Variants in KIAA0825 observed in about 807,000 individuals in gnomAD.
KIAA0825 encodes uncharacterized protein KIAA0825.
KIAA0825 carries 119 observed loss-of-function variants against 147.6 expected under a neutral mutation model. The observed-to-expected ratio is 0.81, with a 90% CI of 0.69 to 0.94. The LOEUF (loss-of-function observed/expected upper bound fraction) is 0.94. KIAA0825 is among the 40% of genes least tolerant of loss of function. The probability of loss-of-function intolerance (pLI) is 0.00; values close to 1 mark genes in which losing one functional copy is unlikely to be tolerated. For synonymous variants in KIAA0825, 470 were observed against 518.1 expected, an observed-to-expected ratio of 0.91 and a Z score of 1.26; for missense variants, 1,381 against 1,472.7, an observed-to-expected ratio of 0.94 and a Z score of 1.02.
chr5:94,512,020 AT>A (rs1440875048), intron 5 of KIAA0825, among the ~76,000 whole-genome samples: 1 of 152,148 alleles, frequency 6.6e-6, no homozygotes, highest in Non-Finnish European at 1.5e-5. Flanking sequence ...AAAATAAAAA[AT>A]ATTTGACTTT....
chr5:94,214,135 C>T lies in KIAA0825; in HGVS notation c.3711-60011G>A, dbSNP rs1005774518. Among the ~76,000 whole-genome samples, 5 of 152,098 alleles carry T rather than the reference C, an allele frequency of 3.3e-5. No homozygotes were observed. In the South Asian group the frequency reaches 8.3e-4, roughly 25 times the overall value. ...CCTCCCAAAATGCTAGGATTACAGG[C>T]ATGAACCACTGCACCCGGCCCTGGA... On this transcript the variant is annotated intron_variant, in intron 20 of 20. Transcript: ENST00000682413.
intron 3 of KIAA0825, among the ~76,000 whole-genome samples, chr5:94,525,754 A>G (rs1562594507): frequency 6.6e-6 from 1 of 151,974 alleles, no homozygotes; most frequent in Non-Finnish European, 1.5e-5. Flanking sequence ...ATCTGTTTCA[A>G]TGAGGACTCA....
intron 2 of KIAA0825, among the ~76,000 whole-genome samples, chr5:94,543,975 T>C (rs573625163): frequency 1.3e-5 from 2 of 152,334 alleles, no homozygotes; most frequent in Non-Finnish European, 2.9e-5. Context: ...AATGGGCAAC[T>C]AGCAGCCCAC....
chr5:94,538,097 T>C (rs976238643), intron 2 of KIAA0825, among the ~76,000 whole-genome samples: 1 of 152,246 alleles, frequency 6.6e-6, no homozygotes, highest in Admixed American at 6.5e-5. Flanking sequence ...ATAGCTGCAA[T>C]AAATTAAATT....
intron 20 of KIAA0825, among the ~76,000 whole-genome samples, chr5:94,232,420 C>T (rs1002754304): frequency 2.0e-5 from 3 of 152,040 alleles, no homozygotes; most frequent in Admixed American, 6.5e-5. Context: ...CAGAACAATT[C>T]CCATGGAGAA....
chr5:94,340,905 A>C (rs1464065475), intron 20 of KIAA0825, among the ~76,000 whole-genome samples: 2 of 152,212 alleles, frequency 1.3e-5, no homozygotes, highest in East Asian at 3.8e-4. Context: ...AAGAGGCCTG[A>C]GATGTATTAA....
chr5:94,178,925 A>G (rs982160068), intron 20 of KIAA0825, among the ~76,000 whole-genome samples: 2 of 152,144 alleles, frequency 1.3e-5, no homozygotes, highest in Non-Finnish European at 2.9e-5. Flanking sequence ...AAGTGATTTC[A>G]TATCAATGAT....
intron 6 of KIAA0825, among the ~76,000 whole-genome samples, chr5:94,483,318 T>C (rs1762686787): frequency 6.6e-6 from 1 of 152,048 alleles, no homozygotes; most frequent in African/African-American, 2.4e-5. Context: ...CTAGATGTTT[T>C]GAAGTTCATT....
chr5:94,573,821 T>G (rs1780436461), intron 2 of KIAA0825, among the ~76,000 whole-genome samples: 1 of 152,218 alleles, frequency 6.6e-6, no homozygotes, highest in Non-Finnish European at 1.5e-5. Flanking sequence ...TTGCTTTTCT[T>G]TCTTTTCTTG....
chr5:94,273,100 T>A (rs541599100), intron 20 of KIAA0825, among the ~76,000 whole-genome samples: 1 of 152,220 alleles, frequency 6.6e-6, no homozygotes. Context: ...ACTAGTCTTA[T>A]GATCTTGTAT....
intron 20 of KIAA0825, among the ~76,000 whole-genome samples, chr5:94,347,449 G>C (rs1046078678): frequency 6.6e-6 from 1 of 152,208 alleles, no homozygotes; most frequent in African/African-American, 2.4e-5. Context: ...CCACAGCTGA[G>C]AGACCCATAG....
chr5:94,519,375 C>G, intron 5 of KIAA0825: 1 of 892,784 alleles, frequency 1.1e-6, no homozygotes, highest in Non-Finnish European at 1.3e-6. Flanking sequence ...AAATACACCT[C>G]AGATTTTATA....
At chr5:94,372,500 C>G (rs2150463829) in intron 20 of KIAA0825, among the ~76,000 whole-genome samples, 1 of 152,334 alleles carries the variant, frequency 6.6e-6, no homozygotes, top group Middle Eastern at 3.4e-3. Flanking sequence ...TGGAAGCTGC[C>G]AAGGTTTGGG....
chr5:94,571,117 T>C (rs1779893187), intron 2 of KIAA0825, among the ~76,000 whole-genome samples: 1 of 152,240 alleles, frequency 6.6e-6, no homozygotes, highest in African/African-American at 2.4e-5. Flanking sequence ...AAGTATAGTT[T>C]TCCCCACAGG....
chr5:94,614,130 T>A (rs957042651), intron 1 of KIAA0825, among the ~76,000 whole-genome samples: 1 of 152,272 alleles, frequency 6.6e-6, no homozygotes, highest in Middle Eastern at 3.4e-3. Flanking sequence ...TATTATTTTA[T>A]AGAAGCAAAT....
intron 14 of KIAA0825, among the ~76,000 whole-genome samples, chr5:94,429,379 TG>T (rs766084097): frequency 5.4e-4 from 76 of 141,832 alleles, no homozygotes; most frequent in Admixed American, 9.6e-4. Flanking sequence ...TTTCCTAGAA[TG>T]TTTTTTTTTT....
chr5:94,548,649 G>A (rs972019301), intron 2 of KIAA0825, among the ~76,000 whole-genome samples: 2 of 152,088 alleles, frequency 1.3e-5, no homozygotes, highest in African/African-American at 4.8e-5. Context: ...CCAAGACCCA[G>A]TGGTGTCCTG....
chr5:94,480,445 G>A (rs1762371030), intron 6 of KIAA0825, among the ~76,000 whole-genome samples: 1 of 151,948 alleles, frequency 6.6e-6, no homozygotes, highest in South Asian at 2.1e-4. Flanking sequence ...GACAAGAAGG[G>A]ACAAAGTTGG....
intron 2 of KIAA0825, among the ~76,000 whole-genome samples, chr5:94,553,291 T>A (rs1279366320): frequency 1.3e-5 from 2 of 151,214 alleles, no homozygotes; most frequent in African/African-American, 4.9e-5. Flanking sequence ...ATACAAAAAA[T>A]TAGCAGGGCA....
Sources: allele counts gnomAD v4.1 joint callset (sites outside exome capture counted in the v4.1 genomes callset), GRCh38; gene constraint gnomAD v4.1.1; transcripts MANE v1.5; gene names NCBI Gene and HGNC (gene_info 2026-07-23, HGNC 2026-07-21).